The following NRG1 variants were observed in gnomAD, a reference collection of about 807,000 sequenced individuals.
The protein encoded by NRG1 is pro-neuregulin-1, membrane-bound isoform.
Under a neutral mutation model 63.8 loss-of-function variants are expected in NRG1, and 18 were observed. The ratio of observed to expected loss-of-function variants is 0.28; its 90% CI spans 0.19 to 0.42. The LOEUF is 0.42. NRG1 is among the 10% of genes least tolerant of loss of function. The pLI is 1.00. For missense variants in NRG1, 762 were observed against 814.7 expected, an observed-to-expected ratio of 0.94 and a Z score of 0.79; for synonymous variants, 302 against 301.3, an observed-to-expected ratio of 1.00 and a Z score of -0.02.
At chr8:32,582,123 G>A (rs1021384944) in intron 1 of NRG1, among the ~76,000 whole-genome samples, 4 of 48,906 alleles carry the variant, frequency 8.2e-5, no homozygotes, top group Non-Finnish European at 1.7e-4. Flanking sequence ...TTTGAGACAG[G>A]GTCTTGCTCT....
chr8:32,508,771 C>T (rs1315411465), intron 1 of NRG1, among the ~76,000 whole-genome samples: 4 of 151,332 alleles, frequency 2.6e-5, no homozygotes, highest in African/African-American at 7.3e-5. Flanking sequence ...AGTCTCACTC[C>T]GTCACTCAGG....
chr8:32,044,547 A>T lies in NRG1; in HGVS notation c.37+405116A>T, dbSNP rs150745417. 1.1e-4 allele frequency among the ~76,000 whole-genome samples: 16 copies of T among 151,874 alleles called. No homozygotes were observed. The East Asian group carries it at 3.1e-3, about 29-fold the overall frequency. ...AATAATATTACATTTATGAAGATAGACCTCATTCTAAATAATAAAACAAAT... is the reference window on the plus strand; with the variant it reads ...AATAATATTACATTTATGAAGATAGTCCTCATTCTAAATAATAAAACAAAT... On this transcript the variant is annotated intron_variant, in intron 1 of 10. Transcript: ENST00000519301.
At chr8:32,609,528 A>G (rs1046546204) in intron 3 of NRG1, among the ~76,000 whole-genome samples, 2 of 149,978 alleles carry the variant, frequency 1.3e-5, no homozygotes, top group Admixed American at 1.3e-4. Context: ...AGAGAGTAGA[A>G]TTCTCAAGAA....
At chr8:32,140,061 A>T (rs1296562919) in intron 1 of NRG1, among the ~76,000 whole-genome samples, 2 of 152,104 alleles carry the variant, frequency 1.3e-5, no homozygotes, top group African/African-American at 4.8e-5. Flanking sequence ...AACTGATGAG[A>T]GGTGCCTTAG....
chr8:31,728,739 A>T (rs1021179446), intron 1 of NRG1, among the ~76,000 whole-genome samples: 1 of 152,216 alleles, frequency 6.6e-6, no homozygotes, highest in Non-Finnish European at 1.5e-5. Flanking sequence ...CCAAGTTATC[A>T]AGAAGGTCAA....
chr8:32,654,438 G>C (rs1244685057), intron 5 of NRG1, among the ~76,000 whole-genome samples: 1 of 152,000 alleles, frequency 6.6e-6, no homozygotes, highest in Non-Finnish European at 1.5e-5. Context: ...AGACCAGCCT[G>C]GCCAACATGG....
chr8:32,443,649 G>A (rs1211182009), intron 1 of NRG1, among the ~76,000 whole-genome samples: 1 of 152,170 alleles, frequency 6.6e-6, no homozygotes, highest in Non-Finnish European at 1.5e-5. Flanking sequence ...CCTAGTAAGT[G>A]TTCTTAATTG....
chr8:32,452,195 T>C (rs1821042312), intron 1 of NRG1, among the ~76,000 whole-genome samples: 3 of 152,168 alleles, frequency 2.0e-5, no homozygotes, highest in South Asian at 2.1e-4. Context: ...ACAATGATAA[T>C]AAGACAATGT....
At chr8:31,677,122 G>C (rs1807788340) in intron 1 of NRG1, among the ~76,000 whole-genome samples, 1 of 152,076 alleles carries the variant, frequency 6.6e-6, no homozygotes, top group Non-Finnish European at 1.5e-5. Flanking sequence ...TAAAATCCCT[G>C]TATGAAATAT....
intron 5 of NRG1, 131 bp from the exon 6 acceptor site, chr8:32,727,818 G>T: frequency 1.3e-6 from 1 of 794,250 alleles, no homozygotes. Context: ...GCTATTGTTT[G>T]TAAGGTCTGC....
exon 3 of NRG1, chr8:32,605,629 A>G: frequency 1.9e-6 from 3 of 1,613,548 alleles, no homozygotes; most frequent in Non-Finnish European, 2.5e-6. Flanking sequence ...CAAAGTGATC[A>G]GCAAATTAGG....
chr8:31,674,796 A>G (rs1807510887), intron 1 of NRG1, among the ~76,000 whole-genome samples: 1 of 152,250 alleles, frequency 6.6e-6, no homozygotes, highest in Admixed American at 6.5e-5. Context: ...ACCATCATGC[A>G]ATGGCTATGT....
chr8:32,030,027 A>G (rs929808308), intron 1 of NRG1, among the ~76,000 whole-genome samples: 1 of 152,134 alleles, frequency 6.6e-6, no homozygotes, highest in Non-Finnish European at 1.5e-5. Context: ...CTACTTATTT[A>G]TATTGAAAGT....
At chr8:32,621,314 T>C (rs183120198) in intron 5 of NRG1, among the ~76,000 whole-genome samples, 61 of 152,316 alleles carry the variant, frequency 4.0e-4, no homozygotes, top group African/African-American at 1.4e-3. Flanking sequence ...TTATAAATAA[T>C]TGCCTAAATG....
At chr8:31,857,966 C>T (rs1023018212) in intron 1 of NRG1, among the ~76,000 whole-genome samples, 2 of 152,120 alleles carry the variant, frequency 1.3e-5, no homozygotes, top group African/African-American at 4.8e-5. Context: ...AAGTTGACAA[C>T]AACCAGTTGA....
intron 1 of NRG1, among the ~76,000 whole-genome samples, chr8:32,443,961 TATACA>T (rs1819899082): frequency 6.6e-6 from 1 of 152,084 alleles, no homozygotes; most frequent in African/African-American, 2.4e-5. Flanking sequence ...AAGATTAAGA[TATACA>T]ATACAATTTC....
In NRG1 at chr8:32,604,169, G is replaced by A. The variant is rs187582139; in HGVS notation, c.279-1393G>A. On this transcript the variant is annotated intron_variant, in intron 2 of 11. Transcript: ENST00000356819. Reference sequence around the variant, plus strand: ...GCTACATGACCAGGAGGGGCTTGGTGAAGCAGTTGGCACCTGACATGGCCC... The same window carrying A: ...GCTACATGACCAGGAGGGGCTTGGTAAAGCAGTTGGCACCTGACATGGCCC... Among the ~76,000 whole-genome samples, 77 of 152,212 alleles carry A rather than the reference G, an allele frequency of 5.1e-4. 1 individual carries two copies. Among genetic ancestry groups the A allele is most frequent in the African/African-American group, 1.8e-3 (74 of 41,548 alleles).
intron 1 of NRG1, among the ~76,000 whole-genome samples, chr8:31,797,511 G>C (rs1017737041): frequency 3.3e-5 from 5 of 152,148 alleles, no homozygotes; most frequent in African/African-American, 9.7e-5. Context: ...GCCTGTTGAT[G>C]GGAATGTAAA....
chr8:31,964,654 G>C (rs1806024959), intron 1 of NRG1, among the ~76,000 whole-genome samples: 1 of 152,112 alleles, frequency 6.6e-6, no homozygotes, highest in Non-Finnish European at 1.5e-5. Context: ...GCAAGACCCT[G>C]TATCAAAAAC....
Sources: allele counts gnomAD v4.1 joint callset (sites outside exome capture counted in the v4.1 genomes callset), GRCh38; gene constraint gnomAD v4.1.1; transcripts MANE v1.5; gene names NCBI Gene and HGNC (gene_info 2026-07-23, HGNC 2026-07-21).